PLXDC2: variants seen among roughly 807,000 people sequenced by gnomAD.
PLXDC2 encodes plexin domain containing 2.
A neutral mutation model predicts 68.9 loss-of-function variants in PLXDC2; 40 were observed. That is an observed-to-expected ratio of 0.58 (90% confidence interval 0.45 to 0.76). The LOEUF (loss-of-function observed/expected upper bound fraction) is 0.76, where lower values mean the gene tolerates loss of function less well. Ranked by LOEUF, PLXDC2 falls within the 30% of genes least tolerant of loss-of-function variation. The pLI is 0.00. For synonymous variants in PLXDC2, 243 were observed against 234.2 expected (o/e 1.04, Z -0.34); for missense variants, 644 against 661.9 (o/e 0.97, Z 0.30).
In PLXDC2 at chr10:20,002,050, T is replaced by A; in HGVS notation, c.324+64T>A. The A allele has an allele frequency of 5.4e-6, 8 of 1,481,792 alleles. No individual in the cohort carries two copies. The South Asian group carries it at 9.7e-5, about 18-fold the overall frequency. 91.8% of individuals were successfully genotyped at this position (1,481,792 alleles called of 1,614,324 possible). ...ATTTATTTCATGTAGGTGCCCAACT[T>A]TTATATAGACATAAGTTGTCTCTTC... On this transcript the variant is annotated intron_variant, in intron 2 of 13. Coordinates refer to ENST00000377252, the MANE Select transcript of PLXDC2 (RefSeq NM_032812.9).
At chr10:20,103,591 T>TGAGA (rs57564391) in intron 4 of PLXDC2, among the ~76,000 whole-genome samples, 3 of 145,858 alleles carry the variant, frequency 2.1e-5, no homozygotes, top group Admixed American at 6.7e-5. Context: ...GGTTTGTGTG[T>TGAGA]GAGAGAGAGA....
intron 12 of PLXDC2, among the ~76,000 whole-genome samples, chr10:20,234,001 A>AT (rs1835399180): frequency 9.2e-6 from 1 of 109,120 alleles, no homozygotes; most frequent in African/African-American, 3.6e-5. Context: ...TTTTTTTTTT[A>AT]TTTTTTGTAG....
At chr10:20,253,947 A>G (rs1835710893) in intron 13 of PLXDC2, among the ~76,000 whole-genome samples, 1 of 152,126 alleles carries the variant, frequency 6.6e-6, no homozygotes, top group South Asian at 2.1e-4. Context: ...TGTTCCTGAA[A>G]CCTGAGTGGG....
chr10:20,270,863 G>C (rs568193338), intron 13 of PLXDC2, among the ~76,000 whole-genome samples: 1 of 151,776 alleles, frequency 6.6e-6, no homozygotes, highest in Admixed American at 6.6e-5. Flanking sequence ...ACATCAGAAG[G>C]CTTAGTTTAG....
At chr10:20,180,867 A>G (rs10827986) in intron 9 of PLXDC2, among the ~76,000 whole-genome samples, 47,450 of 151,922 alleles carry the variant, frequency 0.31, 9,754 homozygotes, top group Non-Finnish European at 0.47. Flanking sequence ...ATGTTTCCTC[A>G]TTGCAGACTG....
chr10:20,262,172 C>T (rs948864481), intron 13 of PLXDC2, among the ~76,000 whole-genome samples: 2 of 152,146 alleles, frequency 1.3e-5, no homozygotes, highest in Non-Finnish European at 2.9e-5. Flanking sequence ...GGAAAGCACG[C>T]TTCTCCCACA....
chr10:20,164,714 A>G (rs992229133), intron 7 of PLXDC2, 147 bp downstream of exon 7: 28 of 690,338 alleles, frequency 4.1e-5, no homozygotes, highest in Admixed American at 1.7e-4. Flanking sequence ...TGTTTGCTTT[A>G]TAACTCCGAT....
intron 1 of PLXDC2, among the ~76,000 whole-genome samples, chr10:19,949,123 C>CTAA (rs1491171866): frequency 1.2e-5 from 1 of 82,920 alleles, no homozygotes; most frequent in East Asian, 3.5e-4. Flanking sequence ...GAGACTTTGT[C>CTAA]AAAAAAAAAA....
intron 4 of PLXDC2, among the ~76,000 whole-genome samples, chr10:20,122,622 G>A (rs2131763011): frequency 6.6e-6 from 1 of 152,348 alleles, no homozygotes; most frequent in Non-Finnish European, 1.5e-5. Context: ...GGCACTTGTA[G>A]CAAGCTCCTG....
At chr10:20,011,123 G>C (rs1189202007) in intron 2 of PLXDC2, among the ~76,000 whole-genome samples, 1 of 152,142 alleles carries the variant, frequency 6.6e-6, no homozygotes, top group Non-Finnish European at 1.5e-5. Context: ...TTAAAATCAT[G>C]TTAAAATTAA....
chr10:19,926,709 G>T (rs1430392805), intron 1 of PLXDC2, among the ~76,000 whole-genome samples: 1 of 152,164 alleles, frequency 6.6e-6, no homozygotes, highest in Non-Finnish European at 1.5e-5. Flanking sequence ...TTTCAACGGT[G>T]CCTTGGAGAA....
At chr10:20,057,306 A>C (rs76914397) in intron 3 of PLXDC2, among the ~76,000 whole-genome samples, 1,523 of 152,294 alleles carry the variant, frequency 0.01, 28 homozygotes, top group African/African-American at 0.035. Flanking sequence ...GAAAAATCTT[A>C]AATTATAAAA....
At chr10:20,123,634 G>A (rs976377167) in intron 4 of PLXDC2, among the ~76,000 whole-genome samples, 1 of 151,664 alleles carries the variant, frequency 6.6e-6, no homozygotes. Flanking sequence ...AGGGTGGAAG[G>A]TTGCCCATAG....
intron 2 of PLXDC2, among the ~76,000 whole-genome samples, chr10:20,028,617 A>G (rs1835446950): frequency 6.6e-6 from 1 of 152,228 alleles, no homozygotes; most frequent in Non-Finnish European, 1.5e-5. Context: ...TGTCTCAGTT[A>G]TACTAAGTCC....
chr10:20,067,924 C>T (rs1836242045), intron 3 of PLXDC2, among the ~76,000 whole-genome samples: 1 of 152,160 alleles, frequency 6.6e-6, no homozygotes, highest in Non-Finnish European at 1.5e-5. Flanking sequence ...CAAGAATGAA[C>T]TGATTATTCA....
intron 1 of PLXDC2, among the ~76,000 whole-genome samples, chr10:19,903,940 C>G (rs952918751): frequency 6.6e-6 from 1 of 151,706 alleles, no homozygotes; most frequent in Non-Finnish European, 1.5e-5. Context: ...CATTGTTGAC[C>G]CAATGATCAT....
At chr10:20,003,394 T>C (rs1042586634) in intron 2 of PLXDC2, among the ~76,000 whole-genome samples, 1 of 152,134 alleles carries the variant, frequency 6.6e-6, no homozygotes, top group Non-Finnish European at 1.5e-5. Flanking sequence ...GTTGTTGGCA[T>C]GGCAAACCTG....
chr10:20,274,022 G>A (rs1835973118), intron 13 of PLXDC2, among the ~76,000 whole-genome samples: 1 of 141,240 alleles, frequency 7.1e-6, no homozygotes, highest in Admixed American at 7.2e-5. Flanking sequence ...CCAGGTTACA[G>A]AGTAAGATAC....
intron 7 of PLXDC2, among the ~76,000 whole-genome samples, chr10:20,172,254 G>T (rs1834458023): frequency 6.9e-6 from 1 of 145,386 alleles, no homozygotes. Context: ...AAAAAAGAGA[G>T]AGAGAGATGT....
Sources: gnomAD v4.1 joint callset for allele counts (sites outside exome capture counted in the v4.1 genomes callset) on GRCh38, gnomAD v4.1.1 for gene constraint, MANE v1.5 for transcripts, NCBI Gene and HGNC (gene_info 2026-07-23, HGNC 2026-07-21) for gene names.